Variants in SIL1 observed in about 807,000 individuals in gnomAD.
SIL1 encodes the protein SIL1 nucleotide exchange factor.
Under a neutral mutation model 49.1 loss-of-function variants are expected in SIL1, and 40 were observed. The ratio of observed to expected loss-of-function variants is 0.81; its 90% CI spans 0.63 to 1.06. The LOEUF (loss-of-function observed/expected upper bound fraction) is 1.06. Ranked by LOEUF, SIL1 falls within the 50% of genes least tolerant of loss-of-function variation. SIL1 has a pLI of 0.00. For missense variants in SIL1, 500 were observed against 572.6 expected, an observed-to-expected ratio of 0.87 and a Z score of 1.29; for synonymous variants, 253 against 250.8, an observed-to-expected ratio of 1.01 and a Z score of -0.08.
chr5:139,054,125 T>C (rs796849918), intron 3 of SIL1, among the ~76,000 whole-genome samples: 2 of 152,286 alleles, frequency 1.3e-5, no homozygotes, highest in African/African-American at 4.8e-5. Flanking sequence ...TAGAAAATAA[T>C]TTAAAATTAG....
At chr5:139,019,662 A>G (rs1486042226) in intron 7 of SIL1, among the ~76,000 whole-genome samples, 1 of 152,216 alleles carries the variant, frequency 6.6e-6, no homozygotes, top group Non-Finnish European at 1.5e-5. Flanking sequence ...GGCCCAACGC[A>G]TGTTTCTCAA....
intron 3 of SIL1, among the ~76,000 whole-genome samples, chr5:139,082,088 G>C (rs1355872595): frequency 2.0e-5 from 3 of 152,142 alleles, no homozygotes; most frequent in Admixed American, 2.0e-4. Flanking sequence ...ACATCATCTT[G>C]TTTAATTTTC....
chr5:139,173,746 A>T (rs562354729), intron 1 of SIL1, among the ~76,000 whole-genome samples: 52 of 147,602 alleles, frequency 3.5e-4, no homozygotes, highest in Middle Eastern at 3.6e-3. Flanking sequence ...GGAGATCGAG[A>T]CCATCCTGGC....
chr5:138,953,117 C>T (rs946093422), intron 7 of SIL1, among the ~76,000 whole-genome samples: 2 of 152,244 alleles, frequency 1.3e-5, no homozygotes, highest in Non-Finnish European at 2.9e-5. Flanking sequence ...CGCAGTCTAC[C>T]AAAGCCACCG....
At chr5:139,103,197 C>T (rs991337836) in intron 3 of SIL1, among the ~76,000 whole-genome samples, 2 of 152,312 alleles carry the variant, frequency 1.3e-5, no homozygotes, top group Admixed American at 6.5e-5. Context: ...GGTACCGCTC[C>T]ACCCTATTCT....
intron 1 of SIL1, among the ~76,000 whole-genome samples, chr5:139,160,256 A>G (rs144665019): frequency 2.6e-4 from 40 of 152,212 alleles, no homozygotes; most frequent in Non-Finnish European, 4.3e-4. Flanking sequence ...GCCAGAAGAC[A>G]GCTGTGAAAA....
chr5:139,122,145 T>C (rs905178644), intron 2 of SIL1, among the ~76,000 whole-genome samples: 5 of 152,102 alleles, frequency 3.3e-5, no homozygotes, highest in Non-Finnish European at 5.9e-5. Flanking sequence ...ATCCCTCCCC[T>C]AGTAATAAAA....
chr5:139,042,993 G>A (rs1394777882), intron 4 of SIL1, among the ~76,000 whole-genome samples: 1 of 152,158 alleles, frequency 6.6e-6, no homozygotes, highest in African/African-American at 2.4e-5. Context: ...GTCAGACCCT[G>A]TCTCTAAAAA....
chr5:139,086,287 AAG>A (rs1770219124), intron 3 of SIL1, among the ~76,000 whole-genome samples: 1 of 72,658 alleles, frequency 1.4e-5, no homozygotes, highest in African/African-American at 4.6e-5. Context: ...AAAAAAAAAA[AAG>A]AAGAAGAAGA....
chr5:139,029,575 C>T (rs969272713), intron 5 of SIL1, among the ~76,000 whole-genome samples: 1 of 151,942 alleles, frequency 6.6e-6, no homozygotes, highest in Non-Finnish European at 1.5e-5. Flanking sequence ...AATCACAGCT[C>T]GCTGCAGTCT....
chr5:138,987,305 G>A (rs1450679410), intron 7 of SIL1, among the ~76,000 whole-genome samples: 2 of 151,244 alleles, frequency 1.3e-5, no homozygotes, highest in East Asian at 1.9e-4. Context: ...TACAGATGGG[G>A]TTTCACCATG....
intron 7 of SIL1, among the ~76,000 whole-genome samples, chr5:139,010,344 T>C (rs879739670): frequency 2.2e-3 from 337 of 149,844 alleles, no homozygotes; most frequent in Non-Finnish European, 3.7e-3. Context: ...CTGTATTGGT[T>C]ATTCTAGTTA....
chr5:139,077,765 A>C (rs920983802), intron 3 of SIL1, among the ~76,000 whole-genome samples: 4 of 152,184 alleles, frequency 2.6e-5, no homozygotes, highest in African/African-American at 9.7e-5. Context: ...TGATAACCCC[A>C]ACACACCCAA....
intron 1 of SIL1, among the ~76,000 whole-genome samples, chr5:139,145,604 T>C (rs1361408455): frequency 6.1e-5 from 9 of 148,138 alleles, no homozygotes; most frequent in African/African-American, 2.2e-4. Context: ...TGGATTTTTA[T>C]AAAATGTGGG....
chr5:138,955,125 G>A (rs1766874310), intron 7 of SIL1, among the ~76,000 whole-genome samples: 1 of 152,216 alleles, frequency 6.6e-6, no homozygotes. Context: ...TGGCTGGAAG[G>A]TAGGTGTCCT....
chr5:139,055,456 A>G (rs1769383753), intron 3 of SIL1, among the ~76,000 whole-genome samples: 1 of 151,790 alleles, frequency 6.6e-6, no homozygotes, highest in African/African-American at 2.4e-5. Flanking sequence ...GCCTTCTCAC[A>G]CCTTGACTTT....
chr5:139,128,197 T>A (rs1750792852), intron 1 of SIL1: 1 of 368,112 alleles, frequency 2.7e-6, no homozygotes, highest in Non-Finnish European at 5.3e-6. Flanking sequence ...CTGATCTGCA[T>A]GTGAACAAAC....
chr5:139,056,693 TG>T (rs1769447777), intron 3 of SIL1, among the ~76,000 whole-genome samples: 1 of 139,444 alleles, frequency 7.2e-6, no homozygotes, highest in Non-Finnish European at 1.5e-5. Context: ...GGGAGGGAGG[TG>T]GGGGCGTCAG....
chr5:139,196,944 C>G (rs1415252075), intron 1 of SIL1, among the ~76,000 whole-genome samples: 1 of 151,964 alleles, frequency 6.6e-6, no homozygotes, highest in Non-Finnish European at 1.5e-5. Flanking sequence ...CACACACACA[C>G]AACAAAATAT....
Sources: gnomAD v4.1 joint callset for allele counts (sites outside exome capture counted in the v4.1 genomes callset) on GRCh38, gnomAD v4.1.1 for gene constraint, MANE v1.5 for transcripts, NCBI Gene and HGNC (gene_info 2026-07-23, HGNC 2026-07-21) for gene names.